The following ST6GALNAC5 variants were observed in gnomAD, a reference collection of about 807,000 sequenced individuals.
The protein encoded by ST6GALNAC5 is ST6 N-acetylgalactosaminide alpha-2,6-sialyltransferase 5.
Under a neutral mutation model 33.6 loss-of-function variants are expected in ST6GALNAC5, and 27 were observed. The ratio of observed to expected loss-of-function variants is 0.80; its 90% CI spans 0.59 to 1.11. ST6GALNAC5 has a LOEUF of 1.11. Among genes scored for constraint, ST6GALNAC5 ranks in the 50% least tolerant of loss-of-function variants. The pLI, the probability that ST6GALNAC5 is intolerant of heterozygous loss-of-function variation, is 0.00. For missense variants in ST6GALNAC5, 428 were observed against 454.0 expected (o/e 0.94, Z 0.52); for synonymous variants, 194 against 171.2 (o/e 1.13, Z -1.04).
rs201548881 is a variant in ST6GALNAC5 at position 76,868,607 on chromosome 1, G to GCAGCAGCAA, written c.135_143dup (p.Gln47_Gln49dup). The GCAGCAGCAA allele has an allele frequency of 3.6e-5, 58 of 1,611,386 alleles. No homozygotes were observed. Among genetic ancestry groups the GCAGCAGCAA allele is most frequent in the African/African-American group, 2.0e-4 (15 of 74,666 alleles). On this transcript the variant is annotated inframe_insertion, in exon 2 of 5. Coordinates refer to ENST00000477717, the MANE Select transcript of ST6GALNAC5 (RefSeq NM_030965.3). The surrounding 1 kb of genome is among the most constrained non-coding windows in gnomAD (Gnocchi z 4.3). The stretch of plus-strand genomic sequence containing the variant: ...AGCGGCCCCCGCAGCAGCAGCAGCA[G>GCAGCAGCAA]CAGCAGCAACAGCAGCAGCAGGCGT...
intron 2 of ST6GALNAC5, among the ~76,000 whole-genome samples, chr1:77,035,987 C>T (rs1342740893): frequency 6.6e-6 from 1 of 151,786 alleles, no homozygotes; most frequent in Non-Finnish European, 1.5e-5. Context: ...TCACAATAAC[C>T]AAAAAATGGA....
At chr1:76,873,968 A>C (rs1298945898) in intron 2 of ST6GALNAC5, among the ~76,000 whole-genome samples, 1 of 152,228 alleles carries the variant, frequency 6.6e-6, no homozygotes, top group Admixed American at 6.5e-5. Flanking sequence ...GAGAAAAGAC[A>C]AAGAAGCAAG....
At chr1:76,956,807 T>G (rs1457349334) in intron 2 of ST6GALNAC5, among the ~76,000 whole-genome samples, 1 of 152,134 alleles carries the variant, frequency 6.6e-6, no homozygotes, top group East Asian at 1.9e-4. Flanking sequence ...CATACAATCT[T>G]TAGCATAGAT....
rs558220145 is a variant in ST6GALNAC5, at chr1:76,999,959, A to G, written c.262-44245A>G. ...AATGCCGCAATAAACATACGTGTGC[A>G]TGTGTCTTTATAGCAGCATGATTTA... is the stretch of plus-strand genomic sequence containing the variant. On this transcript the variant is annotated intron_variant, in intron 2 of 4. Coordinates refer to ENST00000477717, the MANE Select transcript of ST6GALNAC5 (RefSeq NM_030965.3). 6.6e-4 allele frequency among the ~76,000 whole-genome samples: 74 copies of G among 112,650 alleles called. 2 individuals carry two copies. Among genetic ancestry groups the G allele is most frequent in the African/African-American group, 2.0e-3 (74 of 37,008 alleles). The allele number at this position is 112,650 out of a possible 152,430, so 73.9% of individuals were successfully genotyped here.
At chr1:76,969,904 A>T (rs1648672182) in intron 2 of ST6GALNAC5, among the ~76,000 whole-genome samples, 1 of 152,274 alleles carries the variant, frequency 6.6e-6, no homozygotes, top group African/African-American at 2.4e-5. Flanking sequence ...ATACCTAGGC[A>T]AACAGGGTCT....
intron 2 of ST6GALNAC5, among the ~76,000 whole-genome samples, chr1:77,037,939 G>A (rs142121708): frequency 2.0e-3 from 298 of 152,284 alleles, no homozygotes; most frequent in African/African-American, 6.8e-3. Flanking sequence ...TGGGTAGAAG[G>A]TGCACCATTA....
chr1:77,018,157 G>A (rs368722043), intron 2 of ST6GALNAC5, among the ~76,000 whole-genome samples: 4 of 152,178 alleles, frequency 2.6e-5, no homozygotes, highest in Middle Eastern at 3.4e-3. Flanking sequence ...ACAAAATAAA[G>A]AAAAAAGAAA....
At chr1:76,881,961 T>C (rs945149457) in intron 2 of ST6GALNAC5, among the ~76,000 whole-genome samples, 19 of 152,222 alleles carry the variant, frequency 1.2e-4, no homozygotes, top group African/African-American at 4.6e-4. Flanking sequence ...TGTCAGTCTC[T>C]GATGTGAACA....
At chr1:76,972,506 C>T (rs12733883) in intron 2 of ST6GALNAC5, among the ~76,000 whole-genome samples, 56,993 of 152,072 alleles carry the variant, frequency 0.37, 13,165 homozygotes, top group East Asian at 0.63. Context: ...CATAGCTACA[C>T]ATAGAAAAAT....
chr1:76,868,694 C>T lies in ST6GALNAC5; in HGVS notation c.213C>T (p.Pro71=), dbSNP rs778593300. 6.5e-7 allele frequency: 1 copy of T among 1,538,954 alleles called. No individual in the cohort carries two copies. The highest frequency in any genetic ancestry group is 1.2e-5 in the South Asian group (1 of 82,912). ...GCACCCAGCAGCGCCCCGGGGTCCC[C>T]GCGGGACCGCGGCCACTGGACGGAT... ...ESSTQQRPGV[P]AGPRPLDGYL... Residue 71 remains proline (P), a synonymous_variant, in exon 2 of 5, where the codon CCC becomes CCT. Transcript: ENST00000477717. The surrounding 1 kb of genome is among the most constrained non-coding windows in gnomAD (Gnocchi z 4.3).
chr1:76,981,788 G>C (rs1649263648), intron 2 of ST6GALNAC5, among the ~76,000 whole-genome samples: 1 of 152,188 alleles, frequency 6.6e-6, no homozygotes, highest in Non-Finnish European at 1.5e-5. Flanking sequence ...AAAGCTTCCA[G>C]AGGAAGGATC....
intron 2 of ST6GALNAC5, among the ~76,000 whole-genome samples, chr1:76,993,946 A>G (rs1350454837): frequency 6.6e-6 from 1 of 152,208 alleles, no homozygotes; most frequent in Non-Finnish European, 1.5e-5. Context: ...CTATTTTTAA[A>G]GGTTTTCTCT....
intron 2 of ST6GALNAC5, among the ~76,000 whole-genome samples, chr1:76,914,439 T>A (rs1160023674): frequency 1.3e-5 from 2 of 152,092 alleles, no homozygotes; most frequent in Non-Finnish European, 2.9e-5. Context: ...GACTTCAAAC[T>A]CTACTACAAG....
intron 2 of ST6GALNAC5, among the ~76,000 whole-genome samples, chr1:76,952,363 A>G (rs1279170318): frequency 6.6e-6 from 1 of 152,108 alleles, no homozygotes; most frequent in East Asian, 1.9e-4. Flanking sequence ...TGGTATTTGG[A>G]GAAGGCTCCT....
chr1:76,914,460 C>G (rs894425209), intron 2 of ST6GALNAC5, among the ~76,000 whole-genome samples: 1 of 152,162 alleles, frequency 6.6e-6, no homozygotes, highest in South Asian at 2.1e-4. Flanking sequence ...GCTACAGTAA[C>G]CAAAACAGCA....
At chr1:76,946,235 C>T (rs898230674) in intron 2 of ST6GALNAC5, among the ~76,000 whole-genome samples, 2 of 152,090 alleles carry the variant, frequency 1.3e-5, no homozygotes, top group African/African-American at 4.8e-5. Flanking sequence ...TACACTTTAC[C>T]TCCACTATTA....
chr1:76,935,667 G>T (rs1252588), intron 2 of ST6GALNAC5, among the ~76,000 whole-genome samples: 87,204 of 151,712 alleles, frequency 0.57, 25,307 homozygotes, highest in South Asian at 0.6. Flanking sequence ...CCCAGTTTTT[G>T]AATAATTGAA....
chr1:77,035,673 G>A (rs939978029), intron 2 of ST6GALNAC5, among the ~76,000 whole-genome samples: 1 of 152,136 alleles, frequency 6.6e-6, no homozygotes, highest in African/African-American at 2.4e-5. Context: ...CCCATGAAAA[G>A]ATGTTCATCA....
At chr1:77,054,772 C>T (rs549107992) in intron 4 of ST6GALNAC5, among the ~76,000 whole-genome samples, 1 of 152,098 alleles carries the variant, frequency 6.6e-6, no homozygotes, top group African/African-American at 2.4e-5. Flanking sequence ...TCTCATCTCA[C>T]CCAAAGGGCC....
Sources: gnomAD v4.1 joint callset for allele counts (sites outside exome capture counted in the v4.1 genomes callset) on GRCh38, gnomAD v4.1.1 for gene constraint, Gnocchi (gnomAD v3.1) non-coding constraint, MANE v1.5 for transcripts, NCBI Gene and HGNC (gene_info 2026-07-23, HGNC 2026-07-21) for gene names.